GPR55: variants seen among roughly 807,000 people sequenced by gnomAD.
The protein encoded by GPR55 is G-protein coupled receptor 55.
A neutral mutation model predicts 7.9 loss-of-function variants in GPR55; 6 were observed. That is an observed-to-expected ratio of 0.76 (90% CI 0.41 to 1.49). GPR55 has a LOEUF of 1.49. Ranked by LOEUF, GPR55 falls within the 40% of genes most tolerant of loss-of-function variation. The probability of loss-of-function intolerance (pLI) is 0.01; values close to 1 mark genes in which losing one functional copy is unlikely to be tolerated. For missense variants in GPR55, 376 were observed against 406.0 expected (o/e 0.93, Z 0.63); for synonymous variants, 183 against 166.8 (o/e 1.10, Z -0.75).
In GPR55 at chr2:230,924,843, A is replaced by T. The variant is rs1690914762; in HGVS notation, c.-135+325T>A. Among the ~76,000 whole-genome samples the T allele has an allele frequency of 3.3e-5, 5 of 152,272 alleles. 1 individual carries two copies. In the East Asian group the frequency reaches 9.7e-4, roughly 29 times the overall value. On this transcript the variant is annotated intron_variant, in intron 1 of 1. Transcript: ENST00000650999. The surrounding 1 kb of genome is among the most constrained non-coding windows in gnomAD (Gnocchi z 4.5). ...AGCTACATGCCCCGGGAAGGCTCCC[A>T]GGCTGCCTATGGGGAGGTTTCCCGA...
intron 1 of GPR55, among the ~76,000 whole-genome samples, chr2:230,954,752 G>T (rs1691455412): frequency 6.6e-6 from 1 of 152,076 alleles, no homozygotes; most frequent in South Asian, 2.1e-4. Flanking sequence ...CAAGGCCAAT[G>T]ATCATTACTT....
At chr2:230,937,755 C>T (rs149213923) in intron 1 of GPR55, among the ~76,000 whole-genome samples, 2 of 152,082 alleles carry the variant, frequency 1.3e-5, no homozygotes, top group African/African-American at 2.4e-5. Flanking sequence ...GTAGTAGAGA[C>T]CTCATCTAGA....
At chr2:230,954,495 A>AT (rs1490767843) in intron 1 of GPR55, among the ~76,000 whole-genome samples, 1 of 152,154 alleles carries the variant, frequency 6.6e-6, no homozygotes, top group African/African-American at 2.4e-5. Flanking sequence ...TTTGTGGGTA[A>AT]TAGTAGATGT....
At chr2:230,954,753 A>T (rs1427184054) in intron 1 of GPR55, among the ~76,000 whole-genome samples, 1 of 152,198 alleles carries the variant, frequency 6.6e-6, no homozygotes, top group African/African-American at 2.4e-5. Flanking sequence ...AAGGCCAATG[A>T]TCATTACTTT....
intron 1 of GPR55, chr2:230,957,999 C>CT: frequency 2.6e-6 from 1 of 378,914 alleles, no homozygotes; most frequent in East Asian, 6.4e-5. Flanking sequence ...TCAGTGTGAA[C>CT]AAAGCTAAGC....
At chr2:230,922,523 G>A (rs1329306939) in intron 1 of GPR55, among the ~76,000 whole-genome samples, 1 of 152,116 alleles carries the variant, frequency 6.6e-6, no homozygotes, top group South Asian at 2.1e-4. Context: ...CTACAGGCAT[G>A]CATCACCATA....
intron 1 of GPR55, among the ~76,000 whole-genome samples, chr2:230,943,424 T>A (rs1160367896): frequency 6.6e-6 from 1 of 152,150 alleles, no homozygotes; most frequent in Non-Finnish European, 1.5e-5. Flanking sequence ...GCATGGGTGC[T>A]AAGAGATGTC....
At chr2:230,954,384 T>A (rs79031682) in intron 1 of GPR55, among the ~76,000 whole-genome samples, 6,253 of 152,366 alleles carry the variant, frequency 0.041, 184 homozygotes, top group East Asian at 0.16. Flanking sequence ...TAGTTCATTT[T>A]CTGTTGGATT....
intron 1 of GPR55, among the ~76,000 whole-genome samples, chr2:230,918,932 T>C (rs137879075): frequency 1.2e-3 from 185 of 152,278 alleles, no homozygotes; most frequent in African/African-American, 3.4e-3. Context: ...GACATTCTTG[T>C]TGAAATCAGA....
rs901516014 is a variant in GPR55 at position 230,924,408 on chromosome 2, CTT to C, written c.-135+758_-135+759del. ...GCCAGGCCAGCCAGACATGTCCTGA[CTT>C]TGTGTTCTCACTCTCAGGGAAGAAT... On this transcript the variant is annotated intron_variant, in intron 1 of 1. Coordinates refer to ENST00000650999, the MANE Select transcript of GPR55 (RefSeq NM_005683.4). The surrounding 1 kb of genome is among the most constrained non-coding windows in gnomAD (Gnocchi z 4.5). 4.6e-5 allele frequency among the ~76,000 whole-genome samples: 7 copies of C among 152,286 alleles called. No individual in the cohort carries two copies. Among genetic ancestry groups the C allele is most frequent in the Admixed American group, 2.6e-4 (4 of 15,302 alleles).
upstream of GPR55, among the ~76,000 whole-genome samples, chr2:230,927,108 A>G (rs1447496375): frequency 6.6e-6 from 1 of 152,192 alleles, no homozygotes; most frequent in Non-Finnish European, 1.5e-5. Context: ...ATGTAAACAC[A>G]TATAGGAAAA....
At chr2:230,927,510 C>A (rs751521807), upstream of GPR55, among the ~76,000 whole-genome samples, 5 of 152,206 alleles carry the variant, frequency 3.3e-5, no homozygotes, top group Non-Finnish European at 7.3e-5. Flanking sequence ...AATAGGAAGA[C>A]CTTTCTCAGA....
chr2:230,945,310 G>C (rs1050651413), intron 1 of GPR55, among the ~76,000 whole-genome samples: 2 of 152,180 alleles, frequency 1.3e-5, no homozygotes, highest in African/African-American at 4.8e-5. Flanking sequence ...CTGCATGGAG[G>C]CCTTTCCAAG....
chr2:230,955,194 C>A (rs1422358726), intron 1 of GPR55, among the ~76,000 whole-genome samples: 1 of 152,190 alleles, frequency 6.6e-6, no homozygotes, highest in East Asian at 1.9e-4. Context: ...AATTCACAAT[C>A]CACTGTTGAA....
chr2:230,928,261 C>CA (rs1307492868), upstream of GPR55, among the ~76,000 whole-genome samples: 3 of 152,136 alleles, frequency 2.0e-5, no homozygotes, highest in African/African-American at 7.2e-5. Context: ...GGGATGAGGG[C>CA]ACCAGCAGCA....
intron 1 of GPR55, among the ~76,000 whole-genome samples, chr2:230,933,022 G>A (rs1426038294): frequency 1.3e-5 from 2 of 152,172 alleles, no homozygotes; most frequent in Non-Finnish European, 2.9e-5. Context: ...ACGATGAAGG[G>A]AAAATGGGTC....
At position 230,912,016 on chromosome 2, in the gene GPR55, C is replaced by T. The variant is rs1168931748; in HGVS notation, c.-134-920G>A. 5.9e-5 allele frequency among the ~76,000 whole-genome samples: 9 copies of T among 152,168 alleles called. No individual in the cohort carries two copies. In the East Asian group the frequency reaches 7.7e-4, roughly 13 times the overall value. ...CCAGGTTGCTAGAAGGACTCAAATA[C>T]GACCCAACTTCCACCCTCTCCCCAC... On this transcript the variant is annotated intron_variant, in intron 1 of 1. Coordinates refer to ENST00000650999, the MANE Select transcript of GPR55 (RefSeq NM_005683.4).
intron 1 of GPR55, among the ~76,000 whole-genome samples, chr2:230,946,463 T>A (rs73095540): frequency 0.037 from 5,580 of 152,282 alleles, 339 homozygotes; most frequent in African/African-American, 0.12. Flanking sequence ...ATATCAAAAT[T>A]TCACACTGTT....
chr2:230,936,773 G>C (rs553962288), intron 1 of GPR55, among the ~76,000 whole-genome samples: 3 of 152,152 alleles, frequency 2.0e-5, no homozygotes, highest in Middle Eastern at 3.4e-3. Flanking sequence ...AGATAAGTCT[G>C]ATGACAGTTG....
Sources: gnomAD v4.1 joint callset for allele counts (sites outside exome capture counted in the v4.1 genomes callset) on GRCh38, gnomAD v4.1.1 for gene constraint, Gnocchi (gnomAD v3.1) non-coding constraint, MANE v1.5 for transcripts, NCBI Gene and HGNC (gene_info 2026-07-23, HGNC 2026-07-21) for gene names.